COL27A1: variants seen among roughly 807,000 people sequenced by gnomAD.
COL27A1 encodes the protein collagen alpha-1(XXVII) chain.
Under a neutral mutation model 251.3 loss-of-function variants are expected in COL27A1, and 106 were observed. That is an observed-to-expected ratio of 0.42 (90% CI 0.36 to 0.50). The LOEUF (loss-of-function observed/expected upper bound fraction) is 0.50, where lower values mean the gene tolerates loss of function less well. COL27A1 is among the 20% of genes least tolerant of loss of function. COL27A1 has a pLI of 0.00. For synonymous variants in COL27A1, 1,000 were observed against 986.3 expected (o/e 1.01, Z -0.26); for missense variants, 2,325 against 2,522.8 (o/e 0.92, Z 1.68).
Position 114,292,169 on chromosome 9 carries a change from C to A in COL27A1, c.4543C>A (p.Leu1515Ile). ...GKRGTEGRTGLPGNQGEPGSK... is the reference protein window; with the variant it reads ...GKRGTEGRTGIPGNQGEPGSK... ...GCGAGGAACAGAGGGCAGAACGGGG[C>A]TCCCTGGAAACCAGGGGGAGCCTGG... The change falls in exon 49 of 61, where the codon CTC (leucine) becomes ATC (isoleucine). Residue 1515 changes from leucine to isoleucine, a missense_variant. Leu to Ile is a conservative substitution (Grantham distance 5). Coordinates refer to ENST00000356083, the MANE Select transcript of COL27A1 (RefSeq NM_032888.4). 1 of 1,559,842 alleles carries A rather than the reference C, an allele frequency of 6.4e-7. No homozygotes were observed. Among genetic ancestry groups the A allele is most frequent in the Non-Finnish European group, 8.7e-7 (1 of 1,151,750 alleles).
chr9:114,261,151 T>G (rs936174969), intron 28 of COL27A1, among the ~76,000 whole-genome samples: 3 of 152,202 alleles, frequency 2.0e-5, no homozygotes, highest in African/African-American at 7.2e-5. Flanking sequence ...CGTGATGGTG[T>G]GTGCTCATTC....
At chr9:114,294,375 C>G (rs1441633144) in intron 49 of COL27A1, among the ~76,000 whole-genome samples, 1 of 151,746 alleles carries the variant, frequency 6.6e-6, no homozygotes, top group Non-Finnish European at 1.5e-5. Flanking sequence ...AAAGCCACAC[C>G]AAGATATTAC....
chr9:114,157,930 G>A (rs1278331575), intron 1 of COL27A1, among the ~76,000 whole-genome samples: 1 of 152,236 alleles, frequency 6.6e-6, no homozygotes, highest in Non-Finnish European at 1.5e-5. Context: ...CATGTAATAA[G>A]TGCTCAGTAA....
At chr9:114,163,740 C>T (rs775788434) in intron 2 of COL27A1, among the ~76,000 whole-genome samples, 2 of 152,156 alleles carry the variant, frequency 1.3e-5, no homozygotes, top group African/African-American at 4.8e-5. Flanking sequence ...GGGCTGTGCC[C>T]GGAAGAGACT....
intron 17 of COL27A1, among the ~76,000 whole-genome samples, chr9:114,236,129 G>A (rs1453352284): frequency 6.6e-6 from 1 of 151,868 alleles, no homozygotes; most frequent in African/African-American, 2.4e-5. Flanking sequence ...ACCCGCCCGG[G>A]ACCCCCTCCA....
intron 28 of COL27A1, among the ~76,000 whole-genome samples, chr9:114,259,776 A>G (rs1281018069): frequency 2.6e-5 from 4 of 152,224 alleles, no homozygotes; most frequent in Admixed American, 2.0e-4. Context: ...CTTATTGTAA[A>G]GAGAAAGTGA....
intron 5 of COL27A1, among the ~76,000 whole-genome samples, chr9:114,183,995 C>T (rs1828140499): frequency 2.6e-5 from 4 of 152,084 alleles, no homozygotes; most frequent in Admixed American, 1.3e-4. Flanking sequence ...AGAGGATTGC[C>T]GGAGCCAGCA....
At chr9:114,215,604 C>T (rs575042717) in intron 12 of COL27A1, among the ~76,000 whole-genome samples, 1 of 152,220 alleles carries the variant, frequency 6.6e-6, no homozygotes, top group African/African-American at 2.4e-5. Context: ...CATGTCAGCA[C>T]GCTTGGAGCC....
intron 3 of COL27A1, 74 bp downstream of exon 3, chr9:114,169,537 C>T (rs1289715732): frequency 1.6e-6 from 2 of 1,237,920 alleles, no homozygotes; most frequent in African/African-American, 3.0e-5. Context: ...GTGGTTGCCC[C>T]TAGTAAAGAC....
rs528290513 is a variant in COL27A1, at chr9:114,302,064, C to T, written c.4846-18C>T. ...CACTGTCCCTGTCATTTGACTGACC[C>T]GCAGTCTTCTTTTGCAGGGTCCTCC... On this transcript the variant is annotated intron_variant, in intron 55 of 60. Coordinates refer to ENST00000356083, the MANE Select transcript of COL27A1 (RefSeq NM_032888.4). 1.1e-5 allele frequency: 18 copies of T among 1,610,226 alleles called. No homozygotes were observed. In the Middle Eastern group the frequency reaches 1.2e-3, roughly 104 times the overall value.
rs538733879 is a variant in COL27A1, at chr9:114,167,981, G to A, written c.426G>A (p.Arg142=). The A allele has an allele frequency of 6.2e-7, 1 of 1,605,416 alleles. No individual in the cohort carries two copies. The highest frequency in any genetic ancestry group is 1.1e-5 in the South Asian group (1 of 91,070). The change falls in exon 3 of 61, where the codon CGG becomes CGA. Residue 142 remains arginine (R), a synonymous_variant. Transcript: ENST00000356083. Reference sequence around the variant, plus strand: ...AGACGGTCGTCCACCTCGGGTCCCGGCGCTCAGTGGCCTTCGACCTCGACA... The same window carrying A: ...AGACGGTCGTCCACCTCGGGTCCCGACGCTCAGTGGCCTTCGACCTCGACA... ...PGKTVVHLGS[R]RSVAFDLDMH...
chr9:114,224,182 C>T lies in COL27A1; in HGVS notation c.2466+1915C>T, dbSNP rs115796104. ...AAAAGAAATATCTGCCATGGGAATT[C>T]GAGAACTCTCTAGAAGTCTTCTAAT... On this transcript the variant is annotated intron_variant, in intron 14 of 60. Coordinates refer to ENST00000356083, the MANE Select transcript of COL27A1 (RefSeq NM_032888.4). Among the ~76,000 whole-genome samples, 651 of 152,298 alleles carry T rather than the reference C, an allele frequency of 4.3e-3. 2 individuals are homozygous for T. The highest frequency in any genetic ancestry group is 0.014 in the Middle Eastern group (4 of 294).
At chr9:114,170,872 G>T (rs537143714) in intron 3 of COL27A1, among the ~76,000 whole-genome samples, 5 of 152,210 alleles carry the variant, frequency 3.3e-5, no homozygotes, top group Admixed American at 3.3e-4. Flanking sequence ...CGCTGTGTGC[G>T]TGCTGGGCTC....
intron 12 of COL27A1, among the ~76,000 whole-genome samples, chr9:114,214,892 G>A (rs1267944720): frequency 6.6e-6 from 1 of 152,266 alleles, no homozygotes; most frequent in East Asian, 1.9e-4. Context: ...GCATGGCTCA[G>A]TATCACTCAC....
rs1564584409 is a variant in COL27A1, at chr9:114,298,530, C to T, written c.4585-1540C>T. ...GTTGTTTTTAGCAAGAGTGCTAGGG[C>T]AATTGAATGGGAAAAGAATTTTTTT... On this transcript the variant is annotated intron_variant, in intron 49 of 60. Coordinates refer to ENST00000356083, the MANE Select transcript of COL27A1 (RefSeq NM_032888.4). Among the ~76,000 whole-genome samples the T allele has an allele frequency of 2.0e-5, 3 of 152,080 alleles. No individual in the cohort carries two copies. The South Asian group carries it at 6.2e-4, about 32-fold the overall frequency.
At chr9:114,297,483 C>G (rs938622852) in intron 49 of COL27A1, among the ~76,000 whole-genome samples, 1 of 152,090 alleles carries the variant, frequency 6.6e-6, no homozygotes, top group Non-Finnish European at 1.5e-5. Context: ...TACACCATGA[C>G]AAAGTGAGAT....
rs1197631514 is a variant in COL27A1 at position 114,275,603 on chromosome 9, G to A, written c.3610-58G>A. 4.2e-6 allele frequency: 5 copies of A among 1,199,812 alleles called. No homozygotes were observed. In the African/African-American group the frequency reaches 4.5e-5, roughly 11 times the overall value. 74.3% of individuals were successfully genotyped at this position (1,199,812 alleles called of 1,614,324 possible). A position where few individuals can be genotyped will look rare whatever the true frequency, so the allele number is the denominator to read the frequency against. The stretch of plus-strand genomic sequence containing the variant: ...AGCCCTGAGATTTGGGGCCTCTGAT[G>A]CACTTGGCAACTAACTTATTCTCTC... On this transcript the variant is annotated intron_variant, in intron 36 of 60. Coordinates refer to ENST00000356083, the MANE Select transcript of COL27A1 (RefSeq NM_032888.4).
At chr9:114,219,742 A>G (rs1361938560) in intron 12 of COL27A1, 49 bp from the exon 13 acceptor site, 2 of 1,344,480 alleles carry the variant, frequency 1.5e-6, no homozygotes, top group Non-Finnish European at 1.1e-6. Flanking sequence ...CCCACCCTGA[A>G]GGTGACAACA....
chr9:114,234,966 C>A (rs1832260413), intron 16 of COL27A1, among the ~76,000 whole-genome samples: 1 of 149,692 alleles, frequency 6.7e-6, no homozygotes, highest in Admixed American at 6.7e-5. Context: ...GTAGTCCCAG[C>A]TACTGGGGAG....
Sources: allele counts gnomAD v4.1 joint callset (sites outside exome capture counted in the v4.1 genomes callset), GRCh38; gene constraint gnomAD v4.1.1; transcripts MANE v1.5; gene names NCBI Gene and HGNC (gene_info 2026-07-23, HGNC 2026-07-21).